Variants in CA8 observed in about 807,000 individuals in gnomAD.
CA8 encodes the protein carbonic anhydrase-related protein.
Under a neutral mutation model 41.4 loss-of-function variants are expected in CA8, and 22 were observed. That is an observed-to-expected ratio of 0.53 (90% CI 0.38 to 0.76). The LOEUF is 0.76. CA8 is among the 30% of genes least tolerant of loss of function. CA8 has a pLI of 0.00. For synonymous variants in CA8, 121 were observed against 130.6 expected, an observed-to-expected ratio of 0.93 and a Z score of 0.50; for missense variants, 270 against 352.8, an observed-to-expected ratio of 0.77 and a Z score of 1.88.
rs540461117 is a variant in CA8, at chr8:60,242,813, G to A, written c.418-10434C>T. 2.6e-5 allele frequency among the ~76,000 whole-genome samples: 4 copies of A among 152,336 alleles called. No individual in the cohort carries two copies. The East Asian group carries it at 5.8e-4, about 22-fold the overall frequency. The stretch of plus-strand genomic sequence containing the variant: ...CAGAATCCGAGTCAGAGAAGTGGGA[G>A]GTTCTCTGGCGACAGAAAGGTGGGC... On this transcript the variant is annotated intron_variant, in intron 3 of 8. Transcript: ENST00000317995.
At chr8:60,235,626 T>C (rs1173198362) in intron 3 of CA8, among the ~76,000 whole-genome samples, 1 of 152,224 alleles carries the variant, frequency 6.6e-6, no homozygotes, top group Non-Finnish European at 1.5e-5. Context: ...TATTAATTAG[T>C]GCTGGTTCTG....
chr8:60,268,031 A>G (rs1430956639), intron 2 of CA8, among the ~76,000 whole-genome samples: 1 of 152,122 alleles, frequency 6.6e-6, no homozygotes, highest in African/African-American at 2.4e-5. Flanking sequence ...GAGTCTACCC[A>G]CTGTGTACCC....
chr8:60,215,648 GT>G (rs1160103420), intron 7 of CA8, among the ~76,000 whole-genome samples: 1 of 152,120 alleles, frequency 6.6e-6, no homozygotes, highest in Non-Finnish European at 1.5e-5. Context: ...GTTCAATTGT[GT>G]TTTTTCTCCC....
chr8:60,211,328 A>C (rs1203828823), intron 7 of CA8, among the ~76,000 whole-genome samples: 1 of 152,236 alleles, frequency 6.6e-6, no homozygotes, highest in Non-Finnish European at 1.5e-5. Flanking sequence ...GTATATGCAG[A>C]AAGTATTTAT....
At chr8:60,230,934 C>G (rs2130492111) in intron 4 of CA8, among the ~76,000 whole-genome samples, 1 of 152,228 alleles carries the variant, frequency 6.6e-6, no homozygotes, top group South Asian at 2.1e-4. Context: ...AAAGATGAAA[C>G]TGACATGTTC....
At chr8:60,241,677 C>G in intron 3 of CA8, among the ~76,000 whole-genome samples, 1 of 151,726 alleles carries the variant, frequency 6.6e-6, no homozygotes, top group East Asian at 1.9e-4. Flanking sequence ...AATGTAAAAT[C>G]AGAAGCAATT....
At chr8:60,215,043 C>T (rs1431314000) in intron 7 of CA8, among the ~76,000 whole-genome samples, 1 of 152,132 alleles carries the variant, frequency 6.6e-6, no homozygotes, top group Non-Finnish European at 1.5e-5. Flanking sequence ...TAATTATCAA[C>T]CCATTTCTGT....
intron 2 of CA8, among the ~76,000 whole-genome samples, chr8:60,270,567 C>T (rs1480800622): frequency 6.6e-6 from 1 of 152,074 alleles, no homozygotes; most frequent in Non-Finnish European, 1.5e-5. Context: ...AGGTGTGCAC[C>T]ACCATGCCTG....
At chr8:60,194,523 T>G (rs771233774) in intron 8 of CA8, among the ~76,000 whole-genome samples, 1 of 152,284 alleles carries the variant, frequency 6.6e-6, no homozygotes, top group Non-Finnish European at 1.5e-5. Flanking sequence ...CTCACTCAAT[T>G]GTGTCTGTGT....
intron 3 of CA8, among the ~76,000 whole-genome samples, chr8:60,247,739 C>T (rs1293471926): frequency 6.6e-6 from 1 of 152,124 alleles, no homozygotes; most frequent in Admixed American, 6.6e-5. Context: ...TCTTTATAGT[C>T]AAATGATTTA....
At chr8:60,206,284 C>T (rs562553826) in intron 8 of CA8, among the ~76,000 whole-genome samples, 1 of 152,094 alleles carries the variant, frequency 6.6e-6, no homozygotes, top group South Asian at 2.1e-4. Context: ...ATTCATCTAT[C>T]ATATAAAGAA....
In CA8 at chr8:60,235,260, TC is replaced by T. The variant is rs141051577; in HGVS notation, c.418-2882del. On this transcript the variant is annotated intron_variant, in intron 3 of 8. Transcript: ENST00000317995. Reference sequence around the variant, plus strand: ...CCTTGGCTTATAGATGGCCACCTTCTCCCTTTATCTTCACACAGTCTTGCCT... The same window carrying T: ...CCTTGGCTTATAGATGGCCACCTTCTCCTTTATCTTCACACAGTCTTGCCT... 5.5e-3 allele frequency among the ~76,000 whole-genome samples: 843 copies of T among 152,324 alleles called. 8 individuals carry two copies. Among genetic ancestry groups the T allele is most frequent in the African/African-American group, 0.019 (795 of 41,572 alleles).
intron 4 of CA8, among the ~76,000 whole-genome samples, chr8:60,229,862 C>A (rs1261161193): frequency 6.6e-6 from 1 of 152,154 alleles, no homozygotes; most frequent in African/African-American, 2.4e-5. Context: ...ACTCTCCATT[C>A]TTTAATCCTT....
At chr8:60,261,952 C>A (rs1384995133) in intron 3 of CA8, among the ~76,000 whole-genome samples, 1 of 152,130 alleles carries the variant, frequency 6.6e-6, no homozygotes, top group East Asian at 1.9e-4. Flanking sequence ...CCTCATGATC[C>A]GCCCGCCTCG....
chr8:60,211,105 C>T lies in CA8; in HGVS notation c.739-2186G>A, dbSNP rs572278288. 5.9e-5 allele frequency among the ~76,000 whole-genome samples: 9 copies of T among 152,296 alleles called. No individual in the cohort carries two copies. The South Asian group carries it at 1.2e-3, about 21-fold the overall frequency. On this transcript the variant is annotated intron_variant, in intron 7 of 8. Coordinates refer to ENST00000317995, the MANE Select transcript of CA8 (RefSeq NM_004056.6). ...GACCCAAAAGATCAAATGACTTCAC[C>T]TCTTCAAACCTCAGTTTCCACATGT...
chr8:60,255,661 A>T lies in CA8; in HGVS notation c.417+10264T>A, dbSNP rs1808611190. Among the ~76,000 whole-genome samples the T allele has an allele frequency of 2.0e-5, 3 of 152,192 alleles. No homozygotes were observed. In the South Asian group the frequency reaches 6.2e-4, roughly 32 times the overall value. On this transcript the variant is annotated intron_variant, in intron 3 of 8. Transcript: ENST00000317995. ...TTTCATTTGTCAGGTCTTAGAATAAATGTCTTCCTTCTGTACTTAATGCTT... is the reference window on the plus strand; with the variant it reads ...TTTCATTTGTCAGGTCTTAGAATAATTGTCTTCCTTCTGTACTTAATGCTT...
At chr8:60,214,050 A>G (rs899732332) in intron 7 of CA8, among the ~76,000 whole-genome samples, 4 of 152,226 alleles carry the variant, frequency 2.6e-5, no homozygotes, top group African/African-American at 7.2e-5. Flanking sequence ...CTGTGCTTCA[A>G]CAAGCCTTCC....
chr8:60,239,768 T>C (rs1043809979), intron 3 of CA8, among the ~76,000 whole-genome samples: 49 of 152,176 alleles, frequency 3.2e-4, no homozygotes, highest in African/African-American at 1.2e-3. Flanking sequence ...TGGGAGCAGT[T>C]CCCCCCATAC....
chr8:60,199,430 G>T (rs1197346551), intron 8 of CA8, among the ~76,000 whole-genome samples: 1 of 151,974 alleles, frequency 6.6e-6, no homozygotes, highest in Non-Finnish European at 1.5e-5. Context: ...TATGTTCTCT[G>T]GACAAGCCCT....
Sources: allele counts gnomAD v4.1 joint callset (sites outside exome capture counted in the v4.1 genomes callset), GRCh38; gene constraint gnomAD v4.1.1; transcripts MANE v1.5; gene names NCBI Gene and HGNC (gene_info 2026-07-23, HGNC 2026-07-21).